The following TBCK variants were observed in gnomAD, a reference collection of about 807,000 sequenced individuals.
The protein encoded by TBCK is TBC1 domain containing kinase, also known as TBC domain-containing protein kinase-like protein.
TBCK carries 99 observed loss-of-function variants against 113.4 expected under a neutral mutation model. That is an observed-to-expected ratio of 0.87 (90% CI 0.74 to 1.03). The LOEUF is 1.03. Ranked by LOEUF, TBCK falls within the 50% of genes least tolerant of loss-of-function variation. The pLI is 0.00. For missense variants in TBCK, 1,045 were observed against 1,061.3 expected, an observed-to-expected ratio of 0.98 and a Z score of 0.21; for synonymous variants, 369 against 370.8, an observed-to-expected ratio of 1.00 and a Z score of 0.05.
intron 22 of TBCK, among the ~76,000 whole-genome samples, chr4:106,173,122 T>C (rs1751230021): frequency 6.6e-6 from 1 of 152,168 alleles, no homozygotes; most frequent in African/African-American, 2.4e-5. Flanking sequence ...TCACCTCATA[T>C]GCTATTCCTA....
chr4:106,208,678 T>A (rs925854941), intron 20 of TBCK, among the ~76,000 whole-genome samples: 2 of 152,046 alleles, frequency 1.3e-5, no homozygotes, highest in Non-Finnish European at 2.9e-5. Flanking sequence ...GGAAAAGAAC[T>A]CAGGACCCAC....
At chr4:106,302,638 G>C (rs1767069378) in intron 2 of TBCK, among the ~76,000 whole-genome samples, 1 of 151,948 alleles carries the variant, frequency 6.6e-6, no homozygotes, top group Non-Finnish European at 1.5e-5. Context: ...AGTGTGGAAA[G>C]ACAGGCCTCT....
chr4:106,156,778 C>T (rs1749174314), intron 23 of TBCK, among the ~76,000 whole-genome samples: 2 of 152,084 alleles, frequency 1.3e-5, no homozygotes, highest in South Asian at 4.2e-4. Context: ...TCCCTTTGGC[C>T]CACGGCAGGT....
intron 4 of TBCK, 60 bp from the exon 5 acceptor site, chr4:106,260,570 T>A (rs1289794328): frequency 1.7e-5 from 9 of 529,846 alleles, no homozygotes; most frequent in Non-Finnish European, 2.8e-5. Flanking sequence ...CAACATATAA[T>A]TTATATTATA....
At chr4:106,152,425 G>A (rs1748607864) in intron 23 of TBCK, among the ~76,000 whole-genome samples, 1 of 151,852 alleles carries the variant, frequency 6.6e-6, no homozygotes, top group Non-Finnish European at 1.5e-5. Flanking sequence ...TACATTCCAG[G>A]GATAAATCCC....
At chr4:106,118,485 A>G (rs955623486) in intron 23 of TBCK, among the ~76,000 whole-genome samples, 3 of 152,236 alleles carry the variant, frequency 2.0e-5, no homozygotes, top group Non-Finnish European at 4.4e-5. Flanking sequence ...TCCTGAAATT[A>G]AAAGTGCTTC....
At chr4:106,290,702 T>C (rs1765620956) in intron 3 of TBCK, among the ~76,000 whole-genome samples, 5 of 152,234 alleles carry the variant, frequency 3.3e-5, no homozygotes, top group Admixed American at 3.3e-4. Context: ...ACCCTGTACC[T>C]AGGACTGCGC....
intron 19 of TBCK, among the ~76,000 whole-genome samples, chr4:106,229,797 C>T (rs937639418): frequency 7.3e-5 from 11 of 151,252 alleles, no homozygotes; most frequent in Admixed American, 2.0e-4. Flanking sequence ...AACTTCTATT[C>T]TATTACTTCC....
At chr4:106,289,549 T>C (rs67321524) in intron 3 of TBCK, among the ~76,000 whole-genome samples, 1 of 151,868 alleles carries the variant, frequency 6.6e-6, no homozygotes, top group East Asian at 1.9e-4. Flanking sequence ...GGCGGGCAGA[T>C]CATGAGGTCA....
At chr4:106,092,692 G>A (rs574347070) in intron 25 of TBCK, among the ~76,000 whole-genome samples, 1 of 152,314 alleles carries the variant, frequency 6.6e-6, no homozygotes, top group African/African-American at 2.4e-5. Flanking sequence ...CCCAGTGCGG[G>A]GCCGTCAAGC....
chr4:106,121,302 T>A (rs1281254211), intron 23 of TBCK, among the ~76,000 whole-genome samples: 1 of 150,292 alleles, frequency 6.7e-6, no homozygotes, highest in Non-Finnish European at 1.5e-5. Flanking sequence ...GGTAAAGGGA[T>A]CAATTCAACA....
intron 20 of TBCK, among the ~76,000 whole-genome samples, chr4:106,203,835 T>C (rs1755158317): frequency 6.6e-6 from 1 of 152,118 alleles, no homozygotes; most frequent in South Asian, 2.1e-4. Context: ...ATAAAACATG[T>C]TATGTAGCAC....
intron 3 of TBCK, among the ~76,000 whole-genome samples, chr4:106,273,504 T>C (rs536444973): frequency 6.6e-6 from 1 of 152,352 alleles, no homozygotes; most frequent in Admixed American, 6.5e-5. Flanking sequence ...CAAAAAGATT[T>C]GTGCACATCC....
rs191334286 is a variant in TBCK at position 106,047,127 on chromosome 4, C to T, written c.2572-447G>A. ...TGATATTATGGTCCACTTCAATGTC[C>T]CACAGAGAGCCCATAAACCAGTTGT... is the stretch of plus-strand genomic sequence containing the variant. On this transcript the variant is annotated intron_variant, in intron 25 of 25. Coordinates refer to ENST00000394708, the MANE Select transcript of TBCK (RefSeq NM_001163435.3). 5.5e-3 allele frequency among the ~76,000 whole-genome samples: 839 copies of T among 152,086 alleles called. 2 individuals carry two copies. The highest frequency in any genetic ancestry group is 8.0e-3 in the Non-Finnish European group (547 of 67,994).
At position 106,163,904 on chromosome 4, in the gene TBCK, A is replaced by G. The variant is rs186982548; in HGVS notation, c.2235+7191T>C. ...ACTTGGAATATAGAAAGAAAAATTC[A>G]TATTTTAATCCAGGAAATCAAGGTC... On this transcript the variant is annotated intron_variant, in intron 23 of 25. Transcript: ENST00000394708. Among the ~76,000 whole-genome samples the G allele has an allele frequency of 1.3e-3, 204 of 152,244 alleles. 1 individual carries two copies. Among genetic ancestry groups the G allele is most frequent in the African/African-American group, 4.5e-3 (188 of 41,574 alleles).
At chr4:106,289,614 C>T (rs143189593) in intron 3 of TBCK, among the ~76,000 whole-genome samples, 4,444 of 151,574 alleles carry the variant, frequency 0.029, 90 homozygotes, top group Middle Eastern at 0.068. Context: ...ACTAAAAATA[C>T]AAAAATTACC....
At chr4:106,232,876 A>C in intron 17 of TBCK, 62 bp downstream of exon 17, 1 of 1,500,102 alleles carries the variant, frequency 6.7e-7, no homozygotes, top group African/African-American at 1.4e-5. Flanking sequence ...AATTTTTTTA[A>C]ATGTCAGTTA....
chr4:106,293,432 G>A (rs1395020116), intron 3 of TBCK, among the ~76,000 whole-genome samples: 3 of 152,100 alleles, frequency 2.0e-5, no homozygotes, highest in Non-Finnish European at 4.4e-5. Flanking sequence ...CTACATTATG[G>A]TGAGTTATAT....
At chr4:106,071,091 A>C (rs1184459722) in intron 25 of TBCK, among the ~76,000 whole-genome samples, 1 of 151,854 alleles carries the variant, frequency 6.6e-6, no homozygotes, top group Non-Finnish European at 1.5e-5. Context: ...TTGTTTCTCT[A>C]TCTCCTTCAG....
Sources: allele counts gnomAD v4.1 joint callset (sites outside exome capture counted in the v4.1 genomes callset), GRCh38; gene constraint gnomAD v4.1.1; transcripts MANE v1.5; gene names NCBI Gene and HGNC (gene_info 2026-07-23, HGNC 2026-07-21).